MLLT10: variants seen among roughly 807,000 people sequenced by gnomAD.
MLLT10 encodes protein AF-10.
MLLT10 carries 30 observed loss-of-function variants against 129.1 expected under a neutral mutation model. The ratio of observed to expected loss-of-function variants is 0.23; its 90% CI spans 0.17 to 0.32. MLLT10 has a LOEUF of 0.32. Ranked by LOEUF, MLLT10 falls within the 10% of genes least tolerant of loss-of-function variation. MLLT10 has a pLI of 1.00. For synonymous variants in MLLT10, 490 were observed against 446.4 expected, an observed-to-expected ratio of 1.10 and a Z score of -1.23; for missense variants, 1,119 against 1,268.3, an observed-to-expected ratio of 0.88 and a Z score of 1.79.
chr10:21,687,354 C>T (rs187926597), intron 13 of MLLT10, among the ~76,000 whole-genome samples: 40 of 152,160 alleles, frequency 2.6e-4, no homozygotes, highest in Admixed American at 6.5e-4. Flanking sequence ...GATAGGATTC[C>T]ATGAAGTGGG....
chr10:21,734,598 C>T (rs958945880), intron 20 of MLLT10, among the ~76,000 whole-genome samples: 2 of 152,108 alleles, frequency 1.3e-5, no homozygotes, highest in African/African-American at 2.4e-5. Context: ...AATGTTTGTT[C>T]AAAACTAGGG....
chr10:21,650,539 A>T (rs1211735677), intron 8 of MLLT10, among the ~76,000 whole-genome samples: 1 of 151,912 alleles, frequency 6.6e-6, no homozygotes, highest in East Asian at 1.9e-4. Flanking sequence ...GCTTGTATGT[A>T]AACCTTTTTA....
intron 5 of MLLT10, among the ~76,000 whole-genome samples, chr10:21,606,266 A>G (rs1162335076): frequency 1.3e-5 from 2 of 152,240 alleles, no homozygotes; most frequent in Admixed American, 6.5e-5. Context: ...GACAAGGTAC[A>G]TAGTCACCTA....
At chr10:21,695,128 G>A (rs1336216342) in intron 13 of MLLT10, among the ~76,000 whole-genome samples, 1 of 148,920 alleles carries the variant, frequency 6.7e-6, no homozygotes, top group African/African-American at 2.5e-5. Flanking sequence ...GGAGTGCAGT[G>A]GTCTGATCTT....
chr10:21,636,936 G>T (rs1340833796), intron 8 of MLLT10, among the ~76,000 whole-genome samples: 1 of 152,218 alleles, frequency 6.6e-6, no homozygotes, highest in Non-Finnish European at 1.5e-5. Flanking sequence ...CGGAGTTAGA[G>T]ATGTTTGCTG....
intron 8 of MLLT10, among the ~76,000 whole-genome samples, chr10:21,647,714 T>G (rs1184686778): frequency 6.6e-6 from 1 of 151,326 alleles, no homozygotes; most frequent in Non-Finnish European, 1.5e-5. Context: ...GGCGGGGGGA[T>G]TGCCCAGTCA....
Position 21,651,728 on chromosome 10 carries a change from C to T in MLLT10, c.755C>T (p.Ser252Leu), listed in dbSNP as rs748333801. Residue 252 changes from serine (S) to leucine (L), a missense_variant, in exon 9 of 23, where the codon TCA becomes TTA. By Grantham distance (145) the Ser-to-Leu change is moderately radical. Around this residue, in one of 5 missense-constraint regions of MLLT10, gnomAD observed 1,004 missense variants for 1,008.7 expected, o/e 1.00. Transcript: ENST00000307729. ...AAACACAAGAAGCAGCCAGAACCATCACCTGCATTGGTTCCATCCTTGACT... is the reference window on the plus strand; with the variant it reads ...AAACACAAGAAGCAGCCAGAACCATTACCTGCATTGGTTCCATCCTTGACT... ...KQKHKKQPEP[S>L]PALVPSLTVT... The T allele has an allele frequency of 6.2e-7, 1 of 1,613,330 alleles. No individual in the cohort carries two copies. Among genetic ancestry groups the T allele is most frequent in the South Asian group, 1.1e-5 (1 of 90,962 alleles).
intron 3 of MLLT10, among the ~76,000 whole-genome samples, chr10:21,568,187 G>A (rs2039810950): frequency 6.6e-6 from 1 of 152,138 alleles, no homozygotes; most frequent in African/African-American, 2.4e-5. Context: ...TCCATTCCAG[G>A]AGTAGGATAC....
At chr10:21,692,001 CAAAAAAAA>C (rs929971187) in intron 13 of MLLT10, among the ~76,000 whole-genome samples, 78 of 50,164 alleles carry the variant, frequency 1.6e-3, no homozygotes, top group South Asian at 1.8e-3. Flanking sequence ...CTCATATCTA[CAAAAAAAA>C]AAAAAAAAAA....
chr10:21,657,483 A>G (rs1013984387), intron 9 of MLLT10, among the ~76,000 whole-genome samples: 2 of 152,186 alleles, frequency 1.3e-5, no homozygotes, highest in African/African-American at 4.8e-5. Flanking sequence ...TGGTAAAGAA[A>G]TTCGTAGATG....
At chr10:21,633,206 A>G (rs1470626231) in intron 8 of MLLT10, among the ~76,000 whole-genome samples, 1 of 152,264 alleles carries the variant, frequency 6.6e-6, no homozygotes, top group Non-Finnish European at 1.5e-5. Context: ...TTTTAAAACT[A>G]AATTAGTTAG....
At chr10:21,576,084 G>A (rs1589031124) in intron 3 of MLLT10, among the ~76,000 whole-genome samples, 1 of 151,824 alleles carries the variant, frequency 6.6e-6, no homozygotes, top group African/African-American at 2.4e-5. Context: ...GTGCCACCGT[G>A]CCTGGCTAAT....
chr10:21,669,629 G>A (rs2131371068), intron 9 of MLLT10, among the ~76,000 whole-genome samples: 1 of 152,226 alleles, frequency 6.6e-6, no homozygotes, highest in Non-Finnish European at 1.5e-5. Flanking sequence ...CAAAATCTTT[G>A]CCCTTATGGA....
At chr10:21,731,249 A>T (rs1050402379) in intron 17 of MLLT10, among the ~76,000 whole-genome samples, 195 bp downstream of exon 17, 1 of 152,156 alleles carries the variant, frequency 6.6e-6, no homozygotes, top group Non-Finnish European at 1.5e-5. Flanking sequence ...TTGGACTTGA[A>T]TCCTGTCTTT....
At chr10:21,703,125 A>T (rs950820667) in intron 13 of MLLT10, among the ~76,000 whole-genome samples, 6 of 152,056 alleles carry the variant, frequency 3.9e-5, no homozygotes, top group African/African-American at 1.4e-4. Context: ...CATGGTGGCA[A>T]ATGTCATCCT....
intron 3 of MLLT10, among the ~76,000 whole-genome samples, chr10:21,584,237 C>T (rs372868839): frequency 9.6e-5 from 14 of 146,014 alleles, no homozygotes; most frequent in African/African-American, 2.0e-4. Flanking sequence ...GATCTCTGCT[C>T]GCTGCAACCT....
intron 21 of MLLT10, among the ~76,000 whole-genome samples, chr10:21,737,290 AG>A (rs2058452452): frequency 6.6e-6 from 1 of 152,108 alleles, no homozygotes; most frequent in African/African-American, 2.4e-5. Flanking sequence ...TGGGAGGGAG[AG>A]GAAGTAAAGA....
At chr10:21,606,134 A>C (rs984885737) in intron 5 of MLLT10, among the ~76,000 whole-genome samples, 10 of 152,158 alleles carry the variant, frequency 6.6e-5, no homozygotes, top group African/African-American at 2.2e-4. Context: ...AAGTTAATAA[A>C]TGTTGTATGT....
At position 21,609,659 on chromosome 10, in the gene MLLT10, A is replaced by C. The variant is rs375942405; in HGVS notation, c.406-2689A>C. Among the ~76,000 whole-genome samples the C allele has an allele frequency of 1.1e-4, 16 of 152,244 alleles. No homozygotes were observed. In the East Asian group the frequency reaches 1.7e-3, roughly 17 times the overall value. On this transcript the variant is annotated intron_variant, in intron 5 of 22. Coordinates refer to ENST00000307729, the MANE Select transcript of MLLT10 (RefSeq NM_001195626.3). The stretch of plus-strand genomic sequence containing the variant: ...CACTCTGTTAATCTTCTGGCTGTTC[A>C]GTTGTTGTACTTGTTTCTCCTTGTA...
Sources: gnomAD v4.1 joint callset for allele counts (sites outside exome capture counted in the v4.1 genomes callset) on GRCh38, gnomAD v4.1.1 for gene constraint, gnomAD v4.1.1 regional missense constraint, MANE v1.5 for transcripts, NCBI Gene and HGNC (gene_info 2026-07-23, HGNC 2026-07-21) for gene names.